Variants in UBAP2 observed in about 807,000 individuals in gnomAD.
UBAP2 encodes ubiquitin-associated protein 2.
Under a neutral mutation model 139.6 loss-of-function variants are expected in UBAP2, and 75 were observed. The observed-to-expected ratio is 0.54, with a 90% CI of 0.45 to 0.65. UBAP2 has a LOEUF of 0.65. Ranked by LOEUF, UBAP2 falls within the 30% of genes least tolerant of loss-of-function variation. The pLI, the probability that UBAP2 is intolerant of heterozygous loss-of-function variation, is 0.00. For synonymous variants in UBAP2, 526 were observed against 526.2 expected, an observed-to-expected ratio of 1.00 and a Z score of 0.01; for missense variants, 1,368 against 1,369.6, an observed-to-expected ratio of 1.00 and a Z score of 0.02.
At position 33,933,530 on chromosome 9, in the gene UBAP2, T is replaced by A; in HGVS notation, c.2068A>T (p.Thr690Ser). 1 of 1,613,876 alleles carries A rather than the reference T, an allele frequency of 6.2e-7. No homozygotes were observed. The highest frequency in any genetic ancestry group is 8.5e-7 in the Non-Finnish European group (1 of 1,179,980). Residue 690 changes from threonine to serine, a missense_variant, in exon 18 of 29, where the codon ACT becomes TCT. Transcript: ENST00000379238. ...AGAGGGCTGCTAGTCAGGTCGCCAG[T>A]GTGCTGGGATGTGGACGGCAGAAGT... ...TALLPSTSQH[T>S]GDLTSSPLSQ...
rs769572250 is a variant in UBAP2, at chr9:33,986,785, A to G, written c.495T>C (p.Asp165=). 2.5e-5 allele frequency: 41 copies of G among 1,613,974 alleles called. No individual in the cohort carries two copies. In the South Asian group the frequency reaches 4.0e-4, roughly 16 times the overall value. Residue 165 remains aspartate, a synonymous_variant, in exon 6 of 29, where the codon GAT becomes GAC. Coordinates refer to ENST00000379238, the MANE Select transcript of UBAP2 (RefSeq NM_001370062.2). ...CTCTACCCCGGGCTCGCTTGCCACGATCTGAAGGTTTGTCCACTTGATTGC... is the reference window on the plus strand; with the variant it reads ...CTCTACCCCGGGCTCGCTTGCCACGGTCTGAAGGTTTGTCCACTTGATTGC... The part of the protein sequence containing the change: ...IDCNQVDKPS[D]RGKRARGRGF...
At chr9:33,995,450 TATATATA>T (rs1822091437) in intron 4 of UBAP2, 1 of 138,592 alleles carries the variant, frequency 7.2e-6, no homozygotes, top group South Asian at 2.1e-4. Flanking sequence ...TTATAAATAT[TATATATA>T]ATATATATTA....
At chr9:34,045,212 G>A (rs1479084930) in intron 1 of UBAP2, among the ~76,000 whole-genome samples, 6 of 151,746 alleles carry the variant, frequency 4.0e-5, no homozygotes, top group South Asian at 4.2e-4. Context: ...CGGGCGTGGC[G>A]GCAGGCGCCA....
chr9:34,013,578 G>C (rs1054091406), intron 2 of UBAP2, among the ~76,000 whole-genome samples: 1 of 151,742 alleles, frequency 6.6e-6, no homozygotes. Context: ...TTAAAATTGA[G>C]TAATTAACAT....
At chr9:33,955,664 T>TA (rs1276097865) in intron 11 of UBAP2, among the ~76,000 whole-genome samples, 2 of 151,064 alleles carry the variant, frequency 1.3e-5, no homozygotes, top group African/African-American at 4.9e-5. Context: ...CTGTCTCTAC[T>TA]AAAAATACAA....
chr9:33,959,993 G>A (rs1039326271), intron 10 of UBAP2, among the ~76,000 whole-genome samples: 3 of 152,018 alleles, frequency 2.0e-5, no homozygotes, highest in Non-Finnish European at 4.4e-5. Context: ...GCTAGAGGGC[G>A]GTCGAATGAT....
In UBAP2 at chr9:33,941,676, T is replaced by C. The variant is rs762701942; in HGVS notation, c.1902A>G (p.Ser634=). The change falls in exon 16 of 29, where the codon TCA becomes TCG. Residue 634 remains serine (S), a synonymous_variant. Coordinates refer to ENST00000379238, the MANE Select transcript of UBAP2 (RefSeq NM_001370062.2). Reference sequence around the variant, plus strand: ...TGATGGTTCCTGGAGCTGACTCTGATGAACTCACAGGGCTTTGGTATGGGA... The same window carrying C: ...TGATGGTTCCTGGAGCTGACTCTGACGAACTCACAGGGCTTTGGTATGGGA... ...NRIPYQSPVS[S]SESAPGTIMN... The C allele has an allele frequency of 6.2e-7, 1 of 1,614,172 alleles. No individual in the cohort carries two copies. The highest frequency in any genetic ancestry group is 8.5e-7 in the Non-Finnish European group (1 of 1,180,028).
At chr9:34,047,879 A>G (rs1011437196) in intron 1 of UBAP2, among the ~76,000 whole-genome samples, 5 of 152,242 alleles carry the variant, frequency 3.3e-5, no homozygotes, top group African/African-American at 1.2e-4. Context: ...TAGAAAGACA[A>G]TAAGCCTAAA....
chr9:33,975,701 G>A (rs1030797207), intron 6 of UBAP2, among the ~76,000 whole-genome samples: 7 of 151,494 alleles, frequency 4.6e-5, no homozygotes, highest in Non-Finnish European at 5.9e-5. Context: ...AGCTACTCGG[G>A]AGGCTGAGGC....
chr9:34,042,069 G>C (rs555343360), intron 1 of UBAP2, among the ~76,000 whole-genome samples: 1 of 152,220 alleles, frequency 6.6e-6, no homozygotes, highest in East Asian at 1.9e-4. Flanking sequence ...ATGTAAGAGT[G>C]AAAGAATCAA....
At chr9:34,035,181 C>A (rs765107582) in intron 1 of UBAP2, among the ~76,000 whole-genome samples, 1 of 151,932 alleles carries the variant, frequency 6.6e-6, no homozygotes, top group African/African-American at 2.4e-5. Flanking sequence ...CTTCTGTTCT[C>A]ATTCTTTCAT....
At chr9:34,045,625 G>A (rs1023615687) in intron 1 of UBAP2, among the ~76,000 whole-genome samples, 6 of 151,928 alleles carry the variant, frequency 3.9e-5, no homozygotes, top group Non-Finnish European at 7.4e-5. Context: ...GCCCGCCTCC[G>A]CCTCCCAAAG....
chr9:34,019,430 C>CTACA (rs1319907950), intron 1 of UBAP2, among the ~76,000 whole-genome samples: 2 of 151,918 alleles, frequency 1.3e-5, no homozygotes, highest in East Asian at 3.9e-4. Flanking sequence ...CGGACAAATA[C>CTACA]TACATGACTC....
At chr9:34,036,278 G>A (rs1030106412) in intron 1 of UBAP2, among the ~76,000 whole-genome samples, 2 of 151,578 alleles carry the variant, frequency 1.3e-5, no homozygotes, top group Non-Finnish European at 2.9e-5. Context: ...CGCCATGCCC[G>A]GATAATTTTT....
chr9:33,929,065 G>A (rs1823736095), intron 19 of UBAP2, among the ~76,000 whole-genome samples: 1 of 152,218 alleles, frequency 6.6e-6, no homozygotes, highest in African/African-American at 2.4e-5. Context: ...GGCAGGACCA[G>A]GCCGGAGAGA....
At chr9:34,040,052 G>C (rs1014935224) in intron 1 of UBAP2, among the ~76,000 whole-genome samples, 2 of 151,854 alleles carry the variant, frequency 1.3e-5, no homozygotes, top group African/African-American at 4.8e-5. Flanking sequence ...CCAGCTACTT[G>C]GGAGGCTGAG....
At chr9:34,004,522 C>A (rs1564057918) in intron 2 of UBAP2, among the ~76,000 whole-genome samples, 1 of 151,996 alleles carries the variant, frequency 6.6e-6, no homozygotes, top group African/African-American at 2.4e-5. Flanking sequence ...GTGGCTCACG[C>A]CTATAATCCC....
chr9:33,933,500 G>C lies in UBAP2; in HGVS notation c.2098C>G (p.Gln700Glu). ...TGDLTSSPLS[Q>E]LSSSLSSHQS... Reference sequence around the variant, plus strand: ...ACACCTTCCCCATACCTGCTAAGCTGAGAGAGAGGGCTGCTAGTCAGGTCG... The same window carrying C: ...ACACCTTCCCCATACCTGCTAAGCTCAGAGAGAGGGCTGCTAGTCAGGTCG... Residue 700 changes from glutamine to glutamate, a missense_variant, in exon 18 of 29, where the codon CAG (glutamine) becomes GAG (glutamate). Gln to Glu is a conservative substitution (Grantham distance 29, BLOSUM62 2). Coordinates refer to ENST00000379238, the MANE Select transcript of UBAP2 (RefSeq NM_001370062.2). 6.2e-7 allele frequency: 1 copy of C among 1,613,776 alleles called. No individual in the cohort carries two copies. Among genetic ancestry groups the C allele is most frequent in the Non-Finnish European group, 8.5e-7 (1 of 1,179,916 alleles).
chr9:33,974,941 G>C (rs896320639), intron 6 of UBAP2, among the ~76,000 whole-genome samples: 10 of 149,964 alleles, frequency 6.7e-5, no homozygotes, highest in Admixed American at 3.3e-4. Context: ...AAAAAAAAAG[G>C]GGGGGGTGCG....
Sources: allele counts gnomAD v4.1 joint callset (sites outside exome capture counted in the v4.1 genomes callset), GRCh38; gene constraint gnomAD v4.1.1; transcripts MANE v1.5; gene names NCBI Gene and HGNC (gene_info 2026-07-23, HGNC 2026-07-21).